The following PRIMA1 variants were observed in gnomAD, a reference collection of about 807,000 sequenced individuals.
The protein encoded by PRIMA1 is proline-rich membrane anchor 1.
Under a neutral mutation model 17.5 loss-of-function variants are expected in PRIMA1, and 7 were observed. The ratio of observed to expected loss-of-function variants is 0.40; its 90% CI spans 0.23 to 0.75. PRIMA1 has a LOEUF of 0.75. PRIMA1 is among the 30% of genes least tolerant of loss of function. The pLI, the probability that PRIMA1 is intolerant of heterozygous loss-of-function variation, is 0.37. For synonymous variants in PRIMA1, 97 were observed against 77.9 expected (o/e 1.25, Z -1.29); for missense variants, 200 against 201.8 (o/e 0.99, Z 0.05).
At chr14:93,774,831 T>C (rs1344457170) in intron 3 of PRIMA1, among the ~76,000 whole-genome samples, 2 of 152,232 alleles carry the variant, frequency 1.3e-5, no homozygotes, top group African/African-American at 2.4e-5. Flanking sequence ...CAAAAGTACT[T>C]CTCACTTTCA....
In PRIMA1 at chr14:93,783,115, G is replaced by C. The variant is rs117038216; in HGVS notation, c.94-3804C>G. 3.0e-3 allele frequency among the ~76,000 whole-genome samples: 464 copies of C among 152,272 alleles called. 5 individuals are homozygous for C. In the East Asian group the frequency reaches 0.041, roughly 14 times the overall value. ...ACACTTCTGTCTGGGACATTTCCAT[G>C]CTATTTTGCAATGTGTGTCTGTCTA... On this transcript the variant is annotated intron_variant, in intron 2 of 4. Coordinates refer to ENST00000393140, the MANE Select transcript of PRIMA1 (RefSeq NM_178013.4).
Position 93,787,689 on chromosome 14 carries a change from A to G in PRIMA1, c.30T>C (p.Arg10=). Residue 10 remains arginine (R), a synonymous_variant, in exon 2 of 5, where the codon CGT becomes CGC. Coordinates refer to ENST00000393140, the MANE Select transcript of PRIMA1 (RefSeq NM_178013.4). The stretch of plus-strand genomic sequence containing the variant: ...GCAGCAGCGAGGACCAGCAGCAGCC[A>G]CGGCGCAGCACCAAGTCCCGGAGGA... The part of the protein sequence containing the change: MLLRDLVLR[R]GCCWSSLLLH... The G allele has an allele frequency of 6.5e-7, 1 of 1,544,474 alleles. No individual in the cohort carries two copies. Among genetic ancestry groups the G allele is most frequent in the Non-Finnish European group, 8.7e-7 (1 of 1,146,732 alleles).
intron 3 of PRIMA1, among the ~76,000 whole-genome samples, chr14:93,748,156 A>G (rs1024498927): frequency 6.6e-6 from 1 of 152,034 alleles, no homozygotes; most frequent in Admixed American, 6.5e-5. Context: ...GTGAGTGCTG[A>G]TGGCTGTGGC....
At position 93,736,256 on chromosome 14, in the gene PRIMA1, A is replaced by G. The variant is rs77550573; in HGVS notation, c.359+985T>C. The stretch of plus-strand genomic sequence containing the variant: ...TTTGGAGTATTTTTGTTCTGGGTTC[A>G]ATTTCTGACTCCATTGCTCACCAGT... On this transcript the variant is annotated intron_variant, in intron 4 of 4. Transcript: ENST00000393140. 8.9e-3 allele frequency among the ~76,000 whole-genome samples: 1,353 copies of G among 152,176 alleles called. 19 individuals are homozygous for G. Among genetic ancestry groups the G allele is most frequent in the African/African-American group, 0.032 (1,309 of 41,512 alleles).
intron 3 of PRIMA1, among the ~76,000 whole-genome samples, chr14:93,777,499 G>A (rs1227183319): frequency 6.6e-6 from 1 of 152,080 alleles, no homozygotes; most frequent in Non-Finnish European, 1.5e-5. Flanking sequence ...ACCAACGCCT[G>A]GCTAATTTTT....
chr14:93,734,245 G>A (rs2076134081), intron 4 of PRIMA1, among the ~76,000 whole-genome samples: 2 of 152,240 alleles, frequency 1.3e-5, no homozygotes, highest in Non-Finnish European at 2.9e-5. Context: ...CACCCCAACT[G>A]CCTGCTTCAC....
At chr14:93,722,009 A>G (rs1393651205) in intron 4 of PRIMA1, among the ~76,000 whole-genome samples, 1 of 61,050 alleles carries the variant, frequency 1.6e-5, no homozygotes, top group South Asian at 4.5e-4. Flanking sequence ...AGATGGTGCT[A>G]GTGGTGATGC....
intron 4 of PRIMA1, among the ~76,000 whole-genome samples, chr14:93,730,853 A>T (rs2076109402): frequency 6.6e-6 from 1 of 152,190 alleles, no homozygotes; most frequent in Non-Finnish European, 1.5e-5. Flanking sequence ...TAAGGAGATG[A>T]AAGACTGGAG....
chr14:93,728,598 G>A (rs1026511617), intron 4 of PRIMA1, among the ~76,000 whole-genome samples: 2 of 152,100 alleles, frequency 1.3e-5, no homozygotes, highest in Non-Finnish European at 2.9e-5. Context: ...TTAAATGGGG[G>A]TTCCCATTTA....
At chr14:93,747,803 G>GA (rs397967869) in intron 3 of PRIMA1, among the ~76,000 whole-genome samples, 1 of 150,114 alleles carries the variant, frequency 6.7e-6, no homozygotes, top group Non-Finnish European at 1.5e-5. Context: ...AGTGTAAGGG[G>GA]ACTGAGTGTG....
At chr14:93,767,340 C>T (rs1884919270) in intron 3 of PRIMA1, among the ~76,000 whole-genome samples, 1 of 152,198 alleles carries the variant, frequency 6.6e-6, no homozygotes, top group Non-Finnish European at 1.5e-5. Flanking sequence ...AGTTAGGAGG[C>T]TTTCCCAAGG....
At chr14:93,760,844 C>G (rs1044601143) in intron 3 of PRIMA1, among the ~76,000 whole-genome samples, 1 of 151,828 alleles carries the variant, frequency 6.6e-6, no homozygotes, top group Non-Finnish European at 1.5e-5. Flanking sequence ...CCTCTCTCCC[C>G]CTCCATTGCT....
At position 93,747,771 on chromosome 14, in the gene PRIMA1, AGT is replaced by A. The variant is rs370863385; in HGVS notation, c.230-10403_230-10402del. ...TGTGTGGAGTGCAAGTGTGTGGGAG[AGT>A]GTGTGTATGAGTATGTGAGAGTGTA... On this transcript the variant is annotated intron_variant, in intron 3 of 4. Coordinates refer to ENST00000393140, the MANE Select transcript of PRIMA1 (RefSeq NM_178013.4). Among the ~76,000 whole-genome samples the A allele has an allele frequency of 2.7e-3, 371 of 137,000 alleles. 3 individuals carry two copies. The highest frequency in any genetic ancestry group is 0.027 in the South Asian group (110 of 4,150). The allele number at this position is 137,000 out of a possible 152,430, so 89.9% of individuals were successfully genotyped here.
At chr14:93,730,157 C>G (rs1303825698) in intron 4 of PRIMA1, among the ~76,000 whole-genome samples, 2 of 152,190 alleles carry the variant, frequency 1.3e-5, no homozygotes, top group African/African-American at 4.8e-5. Context: ...TTTCTATGTG[C>G]CAGGCATCGT....
chr14:93,737,961 G>A (rs74076323), intron 3 of PRIMA1, among the ~76,000 whole-genome samples: 4,991 of 152,244 alleles, frequency 0.033, 265 homozygotes, highest in African/African-American at 0.11. Flanking sequence ...GGTGGGGAGC[G>A]GGGCTCACAG....
Position 93,726,527 on chromosome 14 carries a change from T to C in PRIMA1, c.360-4981A>G, listed in dbSNP as rs904008011. 3.4e-4 allele frequency among the ~76,000 whole-genome samples: 51 copies of C among 151,848 alleles called. No homozygotes were observed. Among genetic ancestry groups the C allele is most frequent in the African/African-American group, 1.2e-3 (48 of 41,344 alleles). On this transcript the variant is annotated intron_variant, in intron 4 of 4. Transcript: ENST00000393140. The surrounding 1 kb of genome is among the most constrained non-coding windows in gnomAD (Gnocchi z 4.2). ...AACCTGCGTAACACACACAGGCACG[T>C]ACACATAGACACATGTACACATGCA... is the stretch of plus-strand genomic sequence containing the variant.
rs570557349 is a variant in PRIMA1, at chr14:93,745,416, C to G, written c.230-8046G>C. Among the ~76,000 whole-genome samples, 42 of 152,334 alleles carry G rather than the reference C, an allele frequency of 2.8e-4. No homozygotes were observed. The South Asian group carries it at 6.4e-3, about 23-fold the overall frequency. ...CACCCTCACTGCTGTACGAGTGGCC[C>G]TGAAAACATCCTCTCTGCCCTCAAC... On this transcript the variant is annotated intron_variant, in intron 3 of 4. Coordinates refer to ENST00000393140, the MANE Select transcript of PRIMA1 (RefSeq NM_178013.4).
At chr14:93,723,878 C>G (rs966088025) in intron 4 of PRIMA1, among the ~76,000 whole-genome samples, 2 of 152,166 alleles carry the variant, frequency 1.3e-5, no homozygotes, top group African/African-American at 4.8e-5. Flanking sequence ...AGACATCTAT[C>G]TTCCCATTAT....
intron 2 of PRIMA1, among the ~76,000 whole-genome samples, chr14:93,784,926 G>A (rs1297483681): frequency 6.6e-6 from 1 of 152,140 alleles, no homozygotes; most frequent in Non-Finnish European, 1.5e-5. Context: ...AATAAATGCT[G>A]CCGAATGAAT....
Sources: gnomAD v4.1 joint callset for allele counts (sites outside exome capture counted in the v4.1 genomes callset) on GRCh38, gnomAD v4.1.1 for gene constraint, Gnocchi (gnomAD v3.1) non-coding constraint, MANE v1.5 for transcripts, NCBI Gene and HGNC (gene_info 2026-07-23, HGNC 2026-07-21) for gene names.